The following COL15A1 variants were observed in gnomAD, a reference collection of about 807,000 sequenced individuals.
COL15A1 encodes the protein collagen type XV alpha 1 chain.
COL15A1 carries 111 observed loss-of-function variants against 165.9 expected under a neutral mutation model. The observed-to-expected ratio is 0.67, with a 90% CI of 0.57 to 0.78. COL15A1 has a LOEUF of 0.78. Ranked by LOEUF, COL15A1 falls within the 30% of genes least tolerant of loss-of-function variation. COL15A1 has a pLI of 0.00. For missense variants in COL15A1, 1,745 were observed against 1,789.7 expected (o/e 0.98, Z 0.45); for synonymous variants, 659 against 674.8 (o/e 0.98, Z 0.36).
chr9:99,018,548 A>T (rs907514496), intron 11 of COL15A1, among the ~76,000 whole-genome samples: 5 of 152,154 alleles, frequency 3.3e-5, no homozygotes, highest in Admixed American at 6.5e-5. Flanking sequence ...GCCGCTTTTT[A>T]AAAAAAGGCT....
chr9:98,959,612 T>C (rs1183532787), intron 2 of COL15A1, among the ~76,000 whole-genome samples: 1 of 151,766 alleles, frequency 6.6e-6, no homozygotes, highest in African/African-American at 2.4e-5. Flanking sequence ...AAAAAAAAAT[T>C]AATTCTGCCC....
In COL15A1 at chr9:99,023,370, C is replaced by T; in HGVS notation, c.1775C>T (p.Ala592Val). The change falls in exon 14 of 42, where the codon GCA (alanine) becomes GTA (valine). Residue 592 changes from alanine to valine, a missense_variant. Transcript: ENST00000375001. ...TTCTCTTTCCAGGCAGGAGCAGAAG[C>T]AGAGGGCTCTGGCCTAGGCTGGGGC... ...GPVGPTAGAE[A>V]EGSGLGWGSD... The T allele has an allele frequency of 6.2e-7, 1 of 1,608,856 alleles. No homozygotes were observed. Among genetic ancestry groups the T allele is most frequent in the Non-Finnish European group, 8.5e-7 (1 of 1,176,910 alleles).
At position 99,049,871 on chromosome 9, in the gene COL15A1, C is replaced by T. The variant is rs751403294; in HGVS notation, c.2880C>T (p.Pro960=). The T allele has an allele frequency of 6.2e-6, 10 of 1,614,096 alleles. No individual in the cohort carries two copies. Among genetic ancestry groups the T allele is most frequent in the East Asian group, 4.5e-5 (2 of 44,902 alleles). Reference sequence around the variant, plus strand: ...ACCCACAGGCCATTTTCCCAATACCCGTCCGACCACACTGCAAAATGCCAG... The same window carrying T: ...ACCCACAGGCCATTTTCCCAATACCTGTCCGACCACACTGCAAAATGCCAG... ...INIKGAIFPI[P]VRPHCKMPVD... is the part of the protein sequence containing the mutation. Residue 960 remains proline (P), a synonymous_variant, in exon 30 of 42, where the codon CCC becomes CCT. Transcript: ENST00000375001.
intron 12 of COL15A1, among the ~76,000 whole-genome samples, chr9:99,021,761 G>A (rs189770928): frequency 6.6e-6 from 1 of 152,280 alleles, no homozygotes; most frequent in East Asian, 1.9e-4. Context: ...GTCCACACTG[G>A]GCCTGAGCAC....
intron 35 of COL15A1, 26 bp from the exon 36 acceptor site, chr9:99,059,863 A>G (rs761622601): frequency 1.2e-6 from 2 of 1,611,748 alleles, no homozygotes; most frequent in African/African-American, 1.3e-5. Flanking sequence ...GTTTTTGTGT[A>G]ACTTCTCTTT....
At chr9:98,992,582 C>T (rs1838461378) in intron 5 of COL15A1, among the ~76,000 whole-genome samples, 2 of 152,254 alleles carry the variant, frequency 1.3e-5, no homozygotes, top group Admixed American at 1.3e-4. Context: ...AAGGGCTCCT[C>T]AGGTGTGGCC....
At chr9:99,035,805 A>G (rs1839290892) in intron 19 of COL15A1, among the ~76,000 whole-genome samples, 1 of 150,994 alleles carries the variant, frequency 6.6e-6, no homozygotes, top group Non-Finnish European at 1.5e-5. Context: ...GCCCCTCCCT[A>G]CTGCCTCCAG....
At chr9:99,012,583 A>G (rs186746891) in intron 9 of COL15A1, among the ~76,000 whole-genome samples, 1 of 152,264 alleles carries the variant, frequency 6.6e-6, no homozygotes, top group Non-Finnish European at 1.5e-5. Flanking sequence ...GCATGAAAAT[A>G]CCATATATGT....
At chr9:98,944,365 C>A in intron 2 of COL15A1, 115 bp downstream of exon 2, 1 of 1,080,966 alleles carries the variant, frequency 9.3e-7, no homozygotes, top group Non-Finnish European at 1.4e-6. Context: ...AAAAGGGAGT[C>A]TTGCCACTCA....
chr9:98,985,786 T>C lies in COL15A1; in HGVS notation c.322T>C (p.Phe108Leu). The C allele has an allele frequency of 6.2e-7, 1 of 1,614,072 alleles. No individual in the cohort carries two copies. The highest frequency in any genetic ancestry group is 8.5e-7 in the Non-Finnish European group (1 of 1,180,032). The change falls in exon 3 of 42, where the codon TTC becomes CTC. Residue 108 changes from phenylalanine to leucine, a missense_variant. Coordinates refer to ENST00000375001, the MANE Select transcript of COL15A1 (RefSeq NM_001855.5). ...CAGCAGCACCCGTGGTGGCGTGCTC[T>C]TCGCCATCACTGACGCCTTCCAGAA... is the stretch of plus-strand genomic sequence containing the variant. The part of the protein sequence containing the change: ...KPSSTRGGVL[F>L]AITDAFQKVI...
At chr9:99,046,092 C>T (rs1322420943) in intron 26 of COL15A1, among the ~76,000 whole-genome samples, 1 of 152,132 alleles carries the variant, frequency 6.6e-6, no homozygotes, top group Admixed American at 6.5e-5. Flanking sequence ...GTGGAAAATA[C>T]AAATAGTTAG....
chr9:98,975,079 G>A (rs926181676), intron 2 of COL15A1, among the ~76,000 whole-genome samples: 1 of 152,236 alleles, frequency 6.6e-6, no homozygotes, highest in Non-Finnish European at 1.5e-5. Flanking sequence ...CGCAGTTCCC[G>A]TAGAGACCGC....
At chr9:99,031,711 A>C (rs548444183) in intron 16 of COL15A1, among the ~76,000 whole-genome samples, 1 of 152,312 alleles carries the variant, frequency 6.6e-6, no homozygotes, top group Admixed American at 6.5e-5. Flanking sequence ...ACTTTGTGGA[A>C]GTGCCTTCGG....
Position 98,999,251 on chromosome 9 carries a change from G to A in COL15A1, c.953-1588G>A, listed in dbSNP as rs567249650. Among the ~76,000 whole-genome samples the A allele has an allele frequency of 2.0e-5, 3 of 152,342 alleles. No individual in the cohort carries two copies. The East Asian group carries it at 5.8e-4, about 29-fold the overall frequency. On this transcript the variant is annotated intron_variant, in intron 6 of 41. Transcript: ENST00000375001. The stretch of plus-strand genomic sequence containing the variant: ...CCGGGGACAGGCTGACCTGGCTTCA[G>A]GGCCCTTCCCAGTCTCAGTCTCATT...
chr9:99,008,498 T>G (rs1433821119), intron 9 of COL15A1, among the ~76,000 whole-genome samples: 1 of 152,226 alleles, frequency 6.6e-6, no homozygotes, highest in Admixed American at 6.5e-5. Context: ...CAGATTGTTA[T>G]CACACTTACA....
At chr9:99,049,227 A>C (rs1313738535) in intron 28 of COL15A1, among the ~76,000 whole-genome samples, 1 of 152,166 alleles carries the variant, frequency 6.6e-6, no homozygotes, top group Non-Finnish European at 1.5e-5. Flanking sequence ...GCTATCTAAC[A>C]AGAGTTTTGC....
At position 98,986,046 on chromosome 9, in the gene COL15A1, G is replaced by T. The variant is rs770341356; in HGVS notation, c.582G>T (p.Leu194Phe). Residue 194 changes from leucine to phenylalanine, a missense_variant, in exon 3 of 42, where the codon TTG becomes TTT. Transcript: ENST00000375001. The part of the protein sequence containing the change: ...RIPFQRSSQA[L>F]AFESSAGIFM... Reference sequence around the variant, plus strand: ...CCTTCCAGCGGTCCTCCCAGGCTTTGGCTTTTGAGTCCAGCGCTGGAATCT... The same window carrying T: ...CCTTCCAGCGGTCCTCCCAGGCTTTTGCTTTTGAGTCCAGCGCTGGAATCT... 3 of 1,614,078 alleles carry T rather than the reference G, an allele frequency of 1.9e-6. No homozygotes were observed. In the South Asian group the frequency reaches 3.3e-5, roughly 18 times the overall value.
chr9:98,972,348 G>C (rs751050025), intron 2 of COL15A1, among the ~76,000 whole-genome samples: 1 of 152,058 alleles, frequency 6.6e-6, no homozygotes, highest in Non-Finnish European at 1.5e-5. Flanking sequence ...AGCAGGAGGG[G>C]CAGACCTCTG....
At chr9:99,047,721 ACTC>A in intron 26 of COL15A1, 62 bp from the exon 27 acceptor site, 1 of 1,553,686 alleles carries the variant, frequency 6.4e-7, no homozygotes, top group Non-Finnish European at 8.9e-7. Flanking sequence ...GCGGGCTTGC[ACTC>A]CTCATTTCCC....
Sources: allele counts gnomAD v4.1 joint callset (sites outside exome capture counted in the v4.1 genomes callset), GRCh38; gene constraint gnomAD v4.1.1; transcripts MANE v1.5; gene names NCBI Gene and HGNC (gene_info 2026-07-23, HGNC 2026-07-21).